EPM2A: variants seen among roughly 807,000 people sequenced by gnomAD.
EPM2A encodes laforin.
A neutral mutation model predicts 26.5 loss-of-function variants in EPM2A; 21 were observed. That is an observed-to-expected ratio of 0.79 (90% confidence interval 0.56 to 1.14). The LOEUF (loss-of-function observed/expected upper bound fraction) is 1.14. Among genes scored for constraint, EPM2A ranks in the 50% most tolerant of loss-of-function variants. The probability of loss-of-function intolerance (pLI) is 0.00; values close to 1 mark genes in which losing one functional copy is unlikely to be tolerated. For synonymous variants in EPM2A, 217 were observed against 177.6 expected, an observed-to-expected ratio of 1.22 and a Z score of -1.76; for missense variants, 458 against 440.8, an observed-to-expected ratio of 1.04 and a Z score of -0.35.
chr6:145,387,024 C>A lies in EPM2A; in HGVS notation c.556-2927G>T, dbSNP rs369975824. On this transcript the variant is annotated intron_variant, in intron 4 of 4. Transcript: ENST00000638717. ...TGGCAATGGAAAAGTCATCAGATAC[C>A]CACTTGTTTTGGGGCAAAATTTCTT... Among the ~76,000 whole-genome samples the A allele has an allele frequency of 1.9e-4, 29 of 152,106 alleles. No homozygotes were observed. In the East Asian group the frequency reaches 2.3e-3, roughly 12 times the overall value.
intron 4 of EPM2A, among the ~76,000 whole-genome samples, chr6:145,467,020 C>T (rs538255615): frequency 4.6e-5 from 7 of 152,218 alleles, no homozygotes; most frequent in African/African-American, 1.7e-4. Flanking sequence ...AGAGGGATAG[C>T]ACTGGGAGAT....
In EPM2A at chr6:145,544,808, G is replaced by A. The variant is rs142022800; in HGVS notation, c.341-42233C>T. Among the ~76,000 whole-genome samples, 206 of 152,258 alleles carry A rather than the reference G, an allele frequency of 1.4e-3. 4 individuals are homozygous for A. In the East Asian group the frequency reaches 0.035, roughly 26 times the overall value. On this transcript the variant is annotated intron_variant, in intron 2 of 3. Coordinates refer to the EPM2A transcript ENST00000450221. ...CTTTTTTTGGAGAGAAATAGTAGAT[G>A]CTCAGCAGCTTGGCTCTTTTCCTGT... is the stretch of plus-strand genomic sequence containing the variant.
intron 2 of EPM2A, among the ~76,000 whole-genome samples, chr6:145,527,042 C>T (rs965026480): frequency 6.6e-6 from 1 of 151,934 alleles, no homozygotes; most frequent in African/African-American, 2.4e-5. Flanking sequence ...TCATAGTTTA[C>T]CCAAAAGTCA....
chr6:145,458,047 C>T (rs1397447665), intron 4 of EPM2A, among the ~76,000 whole-genome samples: 1 of 152,022 alleles, frequency 6.6e-6, no homozygotes, highest in Admixed American at 6.6e-5. Context: ...ATATTAATAC[C>T]CAAATACAGA....
intron 1 of EPM2A, among the ~76,000 whole-genome samples, chr6:145,722,584 G>A (rs895770851): frequency 3.3e-5 from 5 of 152,238 alleles, no homozygotes; most frequent in East Asian, 3.9e-4. Context: ...ATCATAACCC[G>A]AAATGTTAGA....
intron 4 of EPM2A, among the ~76,000 whole-genome samples, chr6:145,494,031 T>C (rs1779788237): frequency 1.3e-5 from 2 of 152,238 alleles, no homozygotes; most frequent in South Asian, 4.1e-4. Flanking sequence ...TCTTTTTCCA[T>C]TGTTTAAAAT....
chr6:145,666,861 A>T (rs889199992), intron 2 of EPM2A, among the ~76,000 whole-genome samples: 5 of 148,770 alleles, frequency 3.4e-5, no homozygotes, highest in Admixed American at 3.3e-4. Context: ...ATAACACCGC[A>T]TACCTACAAC....
At chr6:145,730,882 C>A (rs1240342508) in intron 1 of EPM2A, among the ~76,000 whole-genome samples, 3 of 152,158 alleles carry the variant, frequency 2.0e-5, no homozygotes, top group African/African-American at 7.2e-5. Flanking sequence ...GCATGTCAGC[C>A]TGGAGAGGAG....
chr6:145,579,222 T>G (rs193111167), intron 2 of EPM2A, among the ~76,000 whole-genome samples: 3 of 152,298 alleles, frequency 2.0e-5, no homozygotes, highest in Admixed American at 1.3e-4. Flanking sequence ...CTTGGCTGAT[T>G]AGATAGTGCC....
intron 1 of EPM2A, among the ~76,000 whole-genome samples, chr6:145,689,705 A>G (rs559107353): frequency 6.6e-6 from 1 of 152,386 alleles, no homozygotes; most frequent in South Asian, 2.1e-4. Flanking sequence ...GTGGCCCCAC[A>G]CCCACTCAGG....
At chr6:145,567,509 G>C (rs1780899566) in intron 2 of EPM2A, among the ~76,000 whole-genome samples, 1 of 152,216 alleles carries the variant, frequency 6.6e-6, no homozygotes, top group Non-Finnish European at 1.5e-5. Flanking sequence ...CAATTTGGCA[G>C]AGGTGGATTG....
chr6:145,466,718 C>T lies in EPM2A; in HGVS notation c.555+35804G>A, dbSNP rs552375725. On this transcript the variant is annotated intron_variant, in intron 4 of 4. Transcript: ENST00000638717. The stretch of plus-strand genomic sequence containing the variant: ...GGTATGTTTATTGCGGCATTATTCA[C>T]AATAGCAAAGACTTGGAACCAACCC... 2.6e-5 allele frequency among the ~76,000 whole-genome samples: 4 copies of T among 152,236 alleles called. No homozygotes were observed. The East Asian group carries it at 7.7e-4, about 29-fold the overall frequency.
At chr6:145,730,776 T>G (rs1192683443) in intron 1 of EPM2A, among the ~76,000 whole-genome samples, 1 of 152,142 alleles carries the variant, frequency 6.6e-6, no homozygotes, top group Non-Finnish European at 1.5e-5. Context: ...ATAAGTGATA[T>G]AAGAAAAAGG....
At chr6:145,685,470 T>A (rs1358273173) in intron 2 of EPM2A, among the ~76,000 whole-genome samples, 1 of 152,122 alleles carries the variant, frequency 6.6e-6, no homozygotes, top group Non-Finnish European at 1.5e-5. Flanking sequence ...TCAATAGCTA[T>A]TTTTAAACTG....
At chr6:145,734,529 T>C (rs1776702625) in intron 1 of EPM2A, 1 of 152,214 alleles carries the variant, frequency 6.6e-6, no homozygotes, top group Non-Finnish European at 1.5e-5. Context: ...AATTGTCATA[T>C]ATCTGGGATT....
At chr6:145,554,586 C>T (rs1278313049) in intron 2 of EPM2A, among the ~76,000 whole-genome samples, 4 of 152,056 alleles carry the variant, frequency 2.6e-5, no homozygotes, top group South Asian at 2.1e-4. Flanking sequence ...TTATTTAGCT[C>T]ATGGTTCTGG....
downstream of EPM2A, among the ~76,000 whole-genome samples, chr6:145,622,447 T>A (rs541568469): frequency 1.3e-5 from 2 of 152,184 alleles, no homozygotes; most frequent in Non-Finnish European, 2.9e-5. Flanking sequence ...GTTGAAGTCA[T>A]AACCTCCATT....
At chr6:145,718,048 G>A (rs1775736185) in intron 1 of EPM2A, among the ~76,000 whole-genome samples, 1 of 151,578 alleles carries the variant, frequency 6.6e-6, no homozygotes, top group African/African-American at 2.4e-5. Context: ...ACTGCCCAAG[G>A]TAATTTACAG....
chr6:145,540,492 C>G (rs1780492389), intron 2 of EPM2A, among the ~76,000 whole-genome samples: 1 of 152,112 alleles, frequency 6.6e-6, no homozygotes, highest in African/African-American at 2.4e-5. Flanking sequence ...CAATAACAAC[C>G]TCAACAAATT....
Sources: allele counts gnomAD v4.1 joint callset (sites outside exome capture counted in the v4.1 genomes callset), GRCh38; gene constraint gnomAD v4.1.1; transcripts MANE v1.5; gene names NCBI Gene and HGNC (gene_info 2026-07-23, HGNC 2026-07-21).